Variants in SELENBP1 observed in about 807,000 individuals in gnomAD.
SELENBP1 encodes the protein methanethiol oxidase.
A neutral mutation model predicts 61.0 loss-of-function variants in SELENBP1; 71 were observed. That is an observed-to-expected ratio of 1.16 (90% CI 0.96 to 1.42). The LOEUF (loss-of-function observed/expected upper bound fraction) is 1.42. SELENBP1 is among the 40% of genes most tolerant of loss of function. The pLI is 0.00. For missense variants in SELENBP1, 561 were observed against 605.0 expected (o/e 0.93, Z 0.76); for synonymous variants, 270 against 238.9 (o/e 1.13, Z -1.20).
chr1:151,365,822 CCTT>C lies in SELENBP1; in HGVS notation c.865_867del (p.Lys289del), dbSNP rs1318708747. 1 of 1,614,176 alleles carries C rather than the reference CCTT, an allele frequency of 6.2e-7. No individual in the cohort carries two copies. Among genetic ancestry groups the C allele is most frequent in the South Asian group, 1.1e-5 (1 of 91,084 alleles). On this transcript the variant is annotated inframe_deletion, in exon 8 of 12. Coordinates refer to ENST00000368868, the MANE Select transcript of SELENBP1 (RefSeq NM_003944.4). ...ACTTTCTTGGGGGGCACCTGGATCA[CCTT>C]CTCCACTGACCATGTACCTCCCTAC...
intron 1 of SELENBP1, 25 bp downstream of exon 1, chr1:151,372,613 G>A: frequency 1.9e-6 from 3 of 1,614,130 alleles, no homozygotes; most frequent in Non-Finnish European, 2.5e-6. Context: ...GCAGGCAATG[G>A]GTGATTGGAA....
At chr1:151,371,392 A>G (rs1652131486) in intron 1 of SELENBP1, among the ~76,000 whole-genome samples, 1 of 151,816 alleles carries the variant, frequency 6.6e-6, no homozygotes, top group Admixed American at 6.6e-5. Flanking sequence ...AGCCTGGGCA[A>G]CAAGAGTGAA....
chr1:151,364,472 G>C lies in SELENBP1; in HGVS notation c.*71C>G. The stretch of plus-strand genomic sequence containing the variant: ...CTGCCAAGGGTCGGGTGCCAAGAGA[G>C]AGCAGAATGAAGCCAGGTCCCCAAG... On this transcript the variant is annotated 3_prime_UTR_variant, in exon 12 of 12. Coordinates refer to ENST00000368868, the MANE Select transcript of SELENBP1 (RefSeq NM_003944.4). The C allele has an allele frequency of 1.3e-6, 2 of 1,591,268 alleles. No individual in the cohort carries two copies. The highest frequency in any genetic ancestry group is 1.7e-6 in the Non-Finnish European group (2 of 1,161,826).
In SELENBP1 at chr1:151,368,229, A is replaced by G. The variant is rs556862506; in HGVS notation, c.451T>C (p.Ser151Pro). 2.7e-5 allele frequency: 44 copies of G among 1,614,090 alleles called. No homozygotes were observed. In the South Asian group the frequency reaches 4.5e-4, roughly 17 times the overall value. ...CCATTGCCCTTGACGTCTCCCAGGG[A>G]GCTGATCATCACTTCCCCGCTGGCC... Reference protein sequence around the residue: ...CLASGEVMISSLGDVKGNGKG... With the variant: ...CLASGEVMISPLGDVKGNGKG... The change falls in exon 5 of 12, where the codon TCC (serine) becomes CCC (proline). Residue 151 changes from serine (S) to proline (P), a missense_variant. Physicochemically the swap from Ser to Pro is moderately conservative, Grantham distance 74. Transcript: ENST00000368868.
At chr1:151,366,557 G>A in intron 6 of SELENBP1, 104 bp from the exon 7 acceptor site, 2 of 1,441,958 alleles carry the variant, frequency 1.4e-6, no homozygotes. Flanking sequence ...AAATGGATTG[G>A]AGGGATCAGG....
In SELENBP1 at chr1:151,368,899, G is replaced by C. The variant is rs1015790256; in HGVS notation, c.360+105C>G. On this transcript the variant is annotated intron_variant, in intron 4 of 11. Transcript: ENST00000368868. Reference sequence around the variant, plus strand: ...TCCCTGCTGCCGAGCCAGTTGCCGCGTAAGAGCTGGAGGCTGCTGGTTTAG... The same window carrying C: ...TCCCTGCTGCCGAGCCAGTTGCCGCCTAAGAGCTGGAGGCTGCTGGTTTAG... 3.2e-6 allele frequency: 4 copies of C among 1,238,902 alleles called. No homozygotes were observed. The African/African-American group carries it at 4.5e-5, about 14-fold the overall frequency. The allele number at this position is 1,238,902 out of a possible 1,614,324, so 76.7% of individuals were successfully genotyped here. A position where few individuals can be genotyped will look rare whatever the true frequency, so the allele number is the denominator to read the frequency against.
At position 151,369,204 on chromosome 1, in the gene SELENBP1, G is replaced by C; in HGVS notation, c.175-15C>G. The C allele has an allele frequency of 6.2e-7, 1 of 1,602,968 alleles. No homozygotes were observed. The highest frequency in any genetic ancestry group is 1.1e-5 in the South Asian group (1 of 90,640). On this transcript the variant is annotated splice_polypyrimidine_tract_variant and intron_variant, in intron 3 of 11. Coordinates refer to ENST00000368868, the MANE Select transcript of SELENBP1 (RefSeq NM_003944.4). ...CGGTGGATGACCTAGGATGCGGGGA[G>C]AGGTGGTGCTCCCCCAGGCCACGCC...
At position 151,365,589 on chromosome 1, in the gene SELENBP1, G is replaced by A; in HGVS notation, c.1018C>T (p.Pro340Ser). 3 of 1,614,136 alleles carry A rather than the reference G, an allele frequency of 1.9e-6. No homozygotes were observed. The highest frequency in any genetic ancestry group is 2.5e-6 in the Non-Finnish European group (3 of 1,180,030). The change falls in exon 9 of 12, where the codon CCA becomes TCA. Residue 340 changes from proline (P) to serine (S), a missense_variant. Transcript: ENST00000368868. The part of the protein sequence containing the change: ...GDLRQYDISD[P>S]QRPRLTGQLF... ...TGTCCTGTGAGGCGGGGTCTCTGTG[G>A]GTCAGAGATGTCATACTGCCTCAGG...
chr1:151,368,144 T>A, intron 5 of SELENBP1, 55 bp downstream of exon 5: 2 of 1,585,328 alleles, frequency 1.3e-6, no homozygotes, highest in Non-Finnish European at 8.6e-7. Context: ...AGAAAAATGC[T>A]TCCCACATTT....
chr1:151,365,095 C>T, intron 10 of SELENBP1, 51 bp from the exon 11 acceptor site: 2 of 1,585,334 alleles, frequency 1.3e-6, no homozygotes, highest in Non-Finnish European at 1.7e-6. Flanking sequence ...ATCCTAGGCA[C>T]CACCCCAACC....
rs537696741 is a variant in SELENBP1 at position 151,364,782 on chromosome 1, C to T, written c.1257-77G>A. Reference sequence around the variant, plus strand: ...TCCCCTAAGATTTTAGGGGAAAGCTCCTGAGGAAGGAGGAATGACCAGGGT... The same window carrying T: ...TCCCCTAAGATTTTAGGGGAAAGCTTCTGAGGAAGGAGGAATGACCAGGGT... On this transcript the variant is annotated intron_variant, in intron 11 of 11. Coordinates refer to ENST00000368868, the MANE Select transcript of SELENBP1 (RefSeq NM_003944.4). 15 of 1,521,110 alleles carry T rather than the reference C, an allele frequency of 9.9e-6. No homozygotes were observed. In the East Asian group the frequency reaches 3.2e-4, roughly 32 times the overall value. The allele number at this position is 1,521,110 out of a possible 1,614,324, so 94.2% of individuals were successfully genotyped here.
At chr1:151,367,859 G>C (rs1780585) in intron 5 of SELENBP1, among the ~76,000 whole-genome samples, 18,599 of 152,150 alleles carry the variant, frequency 0.12, 1,651 homozygotes, top group African/African-American at 0.25. Context: ...CAGAGATGGG[G>C]TTTCACCATG....
At chr1:151,364,890 G>A in intron 11 of SELENBP1, 36 bp downstream of exon 11, 3 of 1,601,994 alleles carry the variant, frequency 1.9e-6, no homozygotes, top group Non-Finnish European at 1.7e-6. Context: ...TGGAAGAGGA[G>A]GGCTGGGGAG....
In SELENBP1 at chr1:151,365,224, C is replaced by G; in HGVS notation, c.1102G>C (p.Glu368Gln). The G allele has an allele frequency of 2.5e-6, 4 of 1,613,798 alleles. No homozygotes were observed. The highest frequency in any genetic ancestry group is 3.4e-6 in the Non-Finnish European group (4 of 1,179,876). Residue 368 changes from glutamate to glutamine, a missense_variant, in exon 10 of 12, where the codon GAA (glutamate) becomes CAA (glutamine). By Grantham distance (29) the Glu-to-Gln change is conservative. Transcript: ENST00000368868. ...AGGGGCTCTGGCTGGGACTTTAGTT[C>G]CTCGTCCTCCAGCACTTGCACAGGG... The part of the protein sequence containing the change: ...GGPVQVLEDE[E>Q]LKSQPEPLVV...
chr1:151,368,979 G>GT (rs1328720717), intron 4 of SELENBP1, 25 bp downstream of exon 4: 1 of 1,589,620 alleles, frequency 6.3e-7, no homozygotes, highest in African/African-American at 1.3e-5. Flanking sequence ...ATGGTCTACT[G>GT]AGCTGGCAAG....
chr1:151,365,305 AAGG>A (rs1469711000), intron 9 of SELENBP1, 24 bp from the exon 10 acceptor site: 1 of 1,604,334 alleles, frequency 6.2e-7, no homozygotes, highest in Non-Finnish European at 8.5e-7. Context: ...TGCAGAGTAT[AAGG>A]AGGACCATAG....
chr1:151,369,994 C>A, intron 1 of SELENBP1: 1 of 1,452,728 alleles, frequency 6.9e-7, no homozygotes, highest in Non-Finnish European at 9.1e-7. Context: ...GGTGGACAGA[C>A]AGTCCAGCAG....
chr1:151,366,413 G>T lies in SELENBP1; in HGVS notation c.705C>A (p.Arg235=). ...GSHLYVWDWQ[R]HEIVQTLSLK... Reference sequence around the variant, plus strand: ...GAGACAGGGTCTGCACAATCTCATGGCGCTGCCAGTCCCATACATATAAGT... The same window carrying T: ...GAGACAGGGTCTGCACAATCTCATGTCGCTGCCAGTCCCATACATATAAGT... Residue 235 remains arginine, a synonymous_variant, in exon 7 of 12, where the codon CGC becomes CGA. Coordinates refer to ENST00000368868, the MANE Select transcript of SELENBP1 (RefSeq NM_003944.4). The T allele has an allele frequency of 6.2e-7, 1 of 1,614,050 alleles. No homozygotes were observed. Among genetic ancestry groups the T allele is most frequent in the South Asian group, 1.1e-5 (1 of 91,088 alleles).
chr1:151,366,927 T>A (rs2102093800), intron 5 of SELENBP1, 23 bp from the exon 6 acceptor site: 1 of 1,610,396 alleles, frequency 6.2e-7, no homozygotes, highest in South Asian at 1.1e-5. Flanking sequence ...GGAAGCAGGG[T>A]GGCAGGTAGA....
Sources: allele counts gnomAD v4.1 joint callset (sites outside exome capture counted in the v4.1 genomes callset), GRCh38; gene constraint gnomAD v4.1.1; transcripts MANE v1.5; gene names NCBI Gene and HGNC (gene_info 2026-07-23, HGNC 2026-07-21).